Variants in NTM observed in about 807,000 individuals in gnomAD.
NTM encodes IgLON family member 2.
NTM carries 13 observed loss-of-function variants against 42.1 expected under a neutral mutation model. The ratio of observed to expected loss-of-function variants is 0.31; its 90% CI spans 0.20 to 0.49. NTM has a LOEUF of 0.49. NTM is among the 20% of genes least tolerant of loss of function. The pLI, the probability that NTM is intolerant of heterozygous loss-of-function variation, is 0.99. For missense variants in NTM, 373 were observed against 452.8 expected, an observed-to-expected ratio of 0.82 and a Z score of 1.60; for synonymous variants, 187 against 179.2, an observed-to-expected ratio of 1.04 and a Z score of -0.35.
chr11:131,498,180 C>T (rs965304927), intron 1 of NTM, among the ~76,000 whole-genome samples: 20 of 152,132 alleles, frequency 1.3e-4, no homozygotes, highest in African/African-American at 3.4e-4. Context: ...TTGCTTCCAA[C>T]GGGAGGTTGG....
rs1952081310 is a variant in NTM at position 131,468,227 on chromosome 11, C to A, written c.82+97339C>A. Among the ~76,000 whole-genome samples, 3 of 152,324 alleles carry A rather than the reference C, an allele frequency of 2.0e-5. No homozygotes were observed. In the South Asian group the frequency reaches 6.2e-4, roughly 32 times the overall value. On this transcript the variant is annotated intron_variant, in intron 1 of 8. Transcript: ENST00000683400. ...TGATTGACTGGCTGGCTCAGGCCAC[C>A]TAATGAGAGGCAACACCCCATATGA...
intron 2 of NTM, among the ~76,000 whole-genome samples, chr11:132,130,374 C>T (rs549678894): frequency 5.3e-5 from 8 of 152,084 alleles, no homozygotes; most frequent in East Asian, 1.9e-4. Context: ...AGGAAGGTAC[C>T]GCATTTTCCA....
intron 1 of NTM, among the ~76,000 whole-genome samples, chr11:131,483,362 C>T: frequency 6.6e-6 from 1 of 152,216 alleles, no homozygotes; most frequent in South Asian, 2.1e-4. Flanking sequence ...TCAATCCTCA[C>T]ATCAAGTCTC....
At chr11:132,050,652 C>T (rs1594128394) in intron 2 of NTM, among the ~76,000 whole-genome samples, 1 of 152,106 alleles carries the variant, frequency 6.6e-6, no homozygotes, top group South Asian at 2.1e-4. Context: ...TAGATTGGGG[C>T]ATCTGGAAGC....
At chr11:131,780,332 T>C (rs2087839600) in intron 1 of NTM, among the ~76,000 whole-genome samples, 1 of 152,142 alleles carries the variant, frequency 6.6e-6, no homozygotes, top group Non-Finnish European at 1.5e-5. Flanking sequence ...GTGTGAACGA[T>C]AGACGAGACG....
intron 2 of NTM, among the ~76,000 whole-genome samples, chr11:132,041,727 C>A (rs980201449): frequency 6.6e-6 from 1 of 152,080 alleles, no homozygotes; most frequent in African/African-American, 2.4e-5. Flanking sequence ...AGTTGCTGGG[C>A]AGTCCTGAAT....
chr11:131,589,922 C>T (rs1370374384), intron 1 of NTM, among the ~76,000 whole-genome samples: 1 of 152,200 alleles, frequency 6.6e-6, no homozygotes, highest in African/African-American at 2.4e-5. Flanking sequence ...AATATTTCTT[C>T]TGCGCTAAAA....
intron 1 of NTM, among the ~76,000 whole-genome samples, chr11:131,696,124 G>A (rs1246225222): frequency 6.6e-6 from 1 of 152,174 alleles, no homozygotes; most frequent in Non-Finnish European, 1.5e-5. Context: ...GAAGGAGGGC[G>A]AATTGTACTT....
chr11:132,231,247 G>A (rs865979245), intron 4 of NTM, among the ~76,000 whole-genome samples: 21 of 152,292 alleles, frequency 1.4e-4, no homozygotes, highest in Middle Eastern at 3.4e-3. Context: ...CTAATGCAGA[G>A]TTTGGCCTAT....
In NTM at chr11:131,464,359, T is replaced by TGG. The variant is rs143677319; in HGVS notation, c.82+93480_82+93481dup. On this transcript the variant is annotated intron_variant, in intron 1 of 8. Transcript: ENST00000683400. ...ACACCCGCAGCAACGCAGGGAAAGC[T>TGG]GGGGGGGGGGCAGCAACAAGGGAAA... Among the ~76,000 whole-genome samples, 752 of 146,242 alleles carry TGG rather than the reference T, an allele frequency of 5.1e-3. 6 individuals carry two copies. The highest frequency in any genetic ancestry group is 0.017 in the African/African-American group (693 of 40,120).
intron 2 of NTM, among the ~76,000 whole-genome samples, chr11:131,983,116 C>A (rs578058290): frequency 6.6e-6 from 1 of 151,608 alleles, no homozygotes; most frequent in Admixed American, 6.6e-5. Flanking sequence ...GAGGCAAAAG[C>A]AAATCTGCCT....
At chr11:132,317,818 G>GGAGGTGATT (rs1439637391) in intron 7 of NTM, 3 of 446,266 alleles carry the variant, frequency 6.7e-6, no homozygotes, top group Non-Finnish European at 1.2e-5. Context: ...GGCTATTGAA[G>GGAGGTGATT]GAGGTGATTG....
chr11:131,400,155 G>C (rs1400136605), intron 1 of NTM, among the ~76,000 whole-genome samples: 1 of 152,048 alleles, frequency 6.6e-6, no homozygotes, highest in Admixed American at 6.5e-5. Context: ...CCCCAGTAAA[G>C]CTGAGAACAT....
At chr11:131,717,120 C>T (rs142477821) in intron 1 of NTM, among the ~76,000 whole-genome samples, 1 of 152,166 alleles carries the variant, frequency 6.6e-6, no homozygotes, top group Non-Finnish European at 1.5e-5. Context: ...GGACTACAAG[C>T]GTGAGCCACC....
At chr11:131,749,387 T>C (rs2082201598) in intron 1 of NTM, among the ~76,000 whole-genome samples, 1 of 152,224 alleles carries the variant, frequency 6.6e-6, no homozygotes, top group Non-Finnish European at 1.5e-5. Flanking sequence ...CTCAGAGCTG[T>C]GTCTGGCACA....
intron 1 of NTM, among the ~76,000 whole-genome samples, chr11:131,584,534 C>T (rs575563349): frequency 6.6e-6 from 1 of 152,052 alleles, no homozygotes; most frequent in African/African-American, 2.4e-5. Context: ...ACGCTGGGTC[C>T]CATTAGTAGT....
intron 4 of NTM, among the ~76,000 whole-genome samples, chr11:132,286,139 A>G (rs1033482725): frequency 1.3e-5 from 2 of 152,230 alleles, no homozygotes; most frequent in African/African-American, 4.8e-5. Flanking sequence ...AGTGGAGTAC[A>G]ATTTACAGAA....
chr11:132,126,091 G>C (rs2065792371), intron 2 of NTM, among the ~76,000 whole-genome samples: 1 of 152,066 alleles, frequency 6.6e-6, no homozygotes, highest in South Asian at 2.1e-4. Context: ...AGACTGAGTG[G>C]GCGCAAGGGT....
At chr11:131,986,103 T>G (rs2066031600) in intron 2 of NTM, among the ~76,000 whole-genome samples, 3 of 152,246 alleles carry the variant, frequency 2.0e-5, no homozygotes, top group Non-Finnish European at 4.4e-5. Flanking sequence ...CTGATTTTTC[T>G]TTGAATTAGA....
Sources: allele counts gnomAD v4.1 joint callset (sites outside exome capture counted in the v4.1 genomes callset), GRCh38; gene constraint gnomAD v4.1.1; transcripts MANE v1.5; gene names NCBI Gene and HGNC (gene_info 2026-07-23, HGNC 2026-07-21).